The following ECM2 variants were observed in gnomAD, a reference collection of about 807,000 sequenced individuals.
The protein encoded by ECM2 is extracellular matrix protein 2, female organ and adipocyte specific.
ECM2 carries 57 observed loss-of-function variants against 67.5 expected under a neutral mutation model. The observed-to-expected ratio is 0.84, with a 90% CI of 0.68 to 1.05. ECM2 has a LOEUF of 1.05. ECM2 is among the 50% of genes least tolerant of loss of function. The pLI, the probability that ECM2 is intolerant of heterozygous loss-of-function variation, is 0.00. For synonymous variants in ECM2, 258 were observed against 294.5 expected, an observed-to-expected ratio of 0.88 and a Z score of 1.27; for missense variants, 741 against 822.8, an observed-to-expected ratio of 0.90 and a Z score of 1.22.
chr9:92,547,311 G>A, the ECM2 span, among the ~76,000 whole-genome samples: 3 of 152,334 alleles, frequency 2.0e-5, no homozygotes, highest in African/African-American at 4.8e-5. Flanking sequence ...GTATCCCCAA[G>A]AGAACTGAAA....
At chr9:92,552,223 G>A in the ECM2 span, among the ~76,000 whole-genome samples, 1 of 141,260 alleles carries the variant, frequency 7.1e-6, no homozygotes, top group Non-Finnish European at 1.5e-5. Flanking sequence ...ACACCCCACA[G>A]TTTCTTTATC....
At chr9:92,553,947 T>A in the ECM2 span, among the ~76,000 whole-genome samples, 1 of 152,168 alleles carries the variant, frequency 6.6e-6, no homozygotes, top group East Asian at 1.9e-4. Flanking sequence ...TCCAGTACTG[T>A]GTTGAAGAGG....
chr9:92,533,816 T>C (rs536866858), intron 1 of ECM2, among the ~76,000 whole-genome samples: 1 of 152,304 alleles, frequency 6.6e-6, no homozygotes, highest in Admixed American at 6.5e-5. Context: ...TAATACCTTA[T>C]AGATATTTGT....
intron 1 of ECM2, among the ~76,000 whole-genome samples, chr9:92,535,094 CT>C (rs924272411): frequency 6.7e-6 from 1 of 148,994 alleles, no homozygotes; most frequent in African/African-American, 2.5e-5. Context: ...ACCTCTCTTT[CT>C]TTTTTTCCCC....
intron 7 of ECM2, 80 bp from the exon 8 acceptor site, chr9:92,502,732 A>G: frequency 8.6e-7 from 1 of 1,166,038 alleles, no homozygotes; most frequent in Non-Finnish European, 1.2e-6. Flanking sequence ...AAATAGTGAC[A>G]TAGACTATTA....
At chr9:92,516,543 C>T (rs1442690083) in intron 3 of ECM2, among the ~76,000 whole-genome samples, 3 of 152,124 alleles carry the variant, frequency 2.0e-5, no homozygotes, top group Non-Finnish European at 4.4e-5. Context: ...TTTTTCACAT[C>T]TCTAGCAAAA....
At chr9:92,533,430 TTC>T (rs1270300921) in intron 1 of ECM2, among the ~76,000 whole-genome samples, 1 of 147,964 alleles carries the variant, frequency 6.8e-6, no homozygotes, top group Non-Finnish European at 1.5e-5. Flanking sequence ...GTTTGTTTGT[TTC>T]TCTCTGTCCT....
In ECM2 at chr9:92,513,795, A is replaced by C. The variant is rs572722166; in HGVS notation, c.1054+836T>G. On this transcript the variant is annotated intron_variant, in intron 4 of 9. Transcript: ENST00000344604. ...GTGACTGGTGGAGGGGGAAACAAGG[A>C]ATTTTGGGGAGTGATAGAATGTCCT... Among the ~76,000 whole-genome samples, 5 of 152,330 alleles carry C rather than the reference A, an allele frequency of 3.3e-5. No individual in the cohort carries two copies. The South Asian group carries it at 1.0e-3, about 32-fold the overall frequency.
intron 1 of ECM2, among the ~76,000 whole-genome samples, chr9:92,533,355 A>C (rs1848977646): frequency 7.9e-6 from 1 of 126,424 alleles, no homozygotes; most frequent in African/African-American, 2.9e-5. Context: ...ATATATATAT[A>C]TATGCTTTGG....
At chr9:92,530,268 A>C (rs73522326) in intron 1 of ECM2, among the ~76,000 whole-genome samples, 1,754 of 152,244 alleles carry the variant, frequency 0.012, 42 homozygotes, top group African/African-American at 0.04. Context: ...AGTGAACCCT[A>C]ATGTAAACTA....
chr9:92,494,597 G>A (rs1045713222), downstream of ECM2, among the ~76,000 whole-genome samples: 3 of 152,070 alleles, frequency 2.0e-5, 1 homozygote, highest in Admixed American at 6.5e-5. Flanking sequence ...TAAGAAAGTA[G>A]GCTTAGAAGT....
the ECM2 span, among the ~76,000 whole-genome samples, chr9:92,543,471 CAAAAA>C: frequency 0.053 from 2,344 of 44,320 alleles, 13 homozygotes; most frequent in South Asian, 0.14. Flanking sequence ...AACCCTGTCT[CAAAAA>C]AAAAAAAAAA....
chr9:92,541,624 C>T (rs530239518), upstream of ECM2, among the ~76,000 whole-genome samples: 17 of 151,842 alleles, frequency 1.1e-4, no homozygotes, highest in African/African-American at 4.1e-4. Context: ...ATAATGTCCT[C>T]CGGGTTCATC....
chr9:92,496,314 ATTACTTGATG>A lies in ECM2; in HGVS notation c.2091_2100del (p.Ile698SerfsTer22). 2 of 1,573,492 alleles carry A rather than the reference ATTACTTGATG, an allele frequency of 1.3e-6. No homozygotes were observed. The highest frequency in any genetic ancestry group is 1.7e-6 in the Non-Finnish European group (2 of 1,166,276). The stretch of plus-strand genomic sequence containing the variant: ...TATAAACAGCAAAGGAAAACTTGGA[ATTACTTGATG>A]TTTTGTGGTTTAAGAACGATACTTG... On this transcript the variant is annotated frameshift_variant and stop_lost, in exon 10 of 10. Transcript: ENST00000344604. LOFTEE classifies it high-confidence loss of function.
At chr9:92,546,081 A>G in the ECM2 span, among the ~76,000 whole-genome samples, 11 of 152,034 alleles carry the variant, frequency 7.2e-5, no homozygotes, top group Non-Finnish European at 1.3e-4. Context: ...CCCTGTGTCT[A>G]GCTCAGGGTT....
chr9:92,534,272 G>T (rs1328216549), intron 1 of ECM2, among the ~76,000 whole-genome samples: 1 of 152,168 alleles, frequency 6.6e-6, no homozygotes, highest in Non-Finnish European at 1.5e-5. Context: ...GGGAGTTGGT[G>T]AGAGGGGAAG....
rs371633512 is a variant in ECM2, at chr9:92,515,166, A to G, written c.519T>C (p.Asp173=). The change falls in exon 4 of 10, where the codon GAT becomes GAC. Residue 173 remains aspartate, a synonymous_variant. Transcript: ENST00000344604. ...AAGAATCACCAGAAAATTCATTTCT[A>G]TCATTTAATGCTATACCACTGAGTA... The part of the protein sequence containing the change: ...YSLLSGIALN[D]RNEFSGDSSE... The G allele has an allele frequency of 2.4e-5, 38 of 1,608,572 alleles. No homozygotes were observed. The East Asian group carries it at 2.7e-4, about 11-fold the overall frequency.
At chr9:92,536,591 T>C (rs894226500), upstream of ECM2, 1 of 152,526 alleles carries the variant, frequency 6.6e-6, no homozygotes, top group Non-Finnish European at 1.5e-5. Flanking sequence ...GCTGTGTGGC[T>C]CCTAATTACC....
rs1042783126 is a variant in ECM2, at chr9:92,527,371, G to A, written c.-27-4478C>T. Among the ~76,000 whole-genome samples, 5 of 152,160 alleles carry A rather than the reference G, an allele frequency of 3.3e-5. No homozygotes were observed. In the South Asian group the frequency reaches 6.2e-4, roughly 19 times the overall value. ...CCAGTTGCCTACAGTTTTCAGTACA[G>A]TCATGGGCTGTACAGGTTTGTAGCC... On this transcript the variant is annotated intron_variant, in intron 1 of 9. Coordinates refer to ENST00000344604, the MANE Select transcript of ECM2 (RefSeq NM_001393.4).
Sources: gnomAD v4.1 joint callset for allele counts (sites outside exome capture counted in the v4.1 genomes callset) on GRCh38, gnomAD v4.1.1 for gene constraint, MANE v1.5 for transcripts, NCBI Gene and HGNC (gene_info 2026-07-23, HGNC 2026-07-21) for gene names.